TNKS: variants seen among roughly 807,000 people sequenced by gnomAD.
TNKS encodes the protein tankyrase, also known as poly [ADP-ribose] polymerase tankyrase-1.
Under a neutral mutation model 135.8 loss-of-function variants are expected in TNKS, and 72 were observed. The observed-to-expected ratio is 0.53, with a 90% CI of 0.44 to 0.64. TNKS has a LOEUF of 0.64. Among genes scored for constraint, TNKS ranks in the 30% least tolerant of loss-of-function variants. The probability of loss-of-function intolerance (pLI) is 0.00; values close to 1 mark genes in which losing one functional copy is unlikely to be tolerated. For synonymous variants in TNKS, 849 were observed against 649.3 expected (o/e 1.31, Z -4.68); for missense variants, 1,769 against 1,674.0 (o/e 1.06, Z -0.99).
intron 2 of TNKS, among the ~76,000 whole-genome samples, chr8:9,596,489 C>T (rs747146985): frequency 6.6e-6 from 1 of 152,130 alleles, no homozygotes; most frequent in Non-Finnish European, 1.5e-5. Context: ...TTATTTAAAT[C>T]TGCTAATTAT....
intron 3 of TNKS, among the ~76,000 whole-genome samples, chr8:9,634,890 C>G (rs960577787): frequency 2.0e-5 from 3 of 152,126 alleles, no homozygotes; most frequent in Admixed American, 6.5e-5. Context: ...AAGTAATGAA[C>G]TGCTCGGCCG....
chr8:9,658,649 T>G (rs930125729), intron 3 of TNKS, among the ~76,000 whole-genome samples: 4 of 152,280 alleles, frequency 2.6e-5, no homozygotes, highest in Admixed American at 1.3e-4. Context: ...TGTAAAGACC[T>G]TCAAGACTAG....
At chr8:9,720,636 T>C (rs35039536) in intron 12 of TNKS, 91 bp downstream of exon 12, 238,431 of 1,368,850 alleles carry the variant, frequency 0.17, 22,255 homozygotes, top group East Asian at 0.18. Context: ...TTACTTTGCC[T>C]GAAGTTTTTC....
intron 25 of TNKS, among the ~76,000 whole-genome samples, chr8:9,768,564 T>C (rs1451854000): frequency 2.0e-5 from 3 of 152,244 alleles, no homozygotes; most frequent in African/African-American, 7.2e-5. Context: ...GCCAGCTCTC[T>C]ACTTGCCCAT....
intron 5 of TNKS, among the ~76,000 whole-genome samples, chr8:9,683,306 C>G (rs1050377365): frequency 6.6e-6 from 1 of 152,014 alleles, no homozygotes; most frequent in Non-Finnish European, 1.5e-5. Context: ...TTACAAGTAT[C>G]TGTCCTAGTA....
intron 3 of TNKS, among the ~76,000 whole-genome samples, chr8:9,676,387 T>A (rs1007193658): frequency 2.6e-5 from 4 of 152,132 alleles, no homozygotes; most frequent in African/African-American, 9.7e-5. Flanking sequence ...TGCTATTCCA[T>A]CTCAACAAAA....
intron 20 of TNKS, among the ~76,000 whole-genome samples, chr8:9,760,483 A>T (rs1209928528): frequency 6.6e-6 from 1 of 152,242 alleles, no homozygotes; most frequent in Non-Finnish European, 1.5e-5. Flanking sequence ...GCAAGTTAAA[A>T]AGTGGAAAAA....
intron 12 of TNKS, among the ~76,000 whole-genome samples, chr8:9,721,170 A>G (rs1259215738): frequency 3.3e-5 from 5 of 151,474 alleles, no homozygotes; most frequent in Non-Finnish European, 5.9e-5. Flanking sequence ...AGCCCCAGCT[A>G]CTTGGGAGGC....
intron 20 of TNKS, among the ~76,000 whole-genome samples, chr8:9,755,458 A>G (rs533600444): frequency 2.0e-5 from 3 of 152,302 alleles, no homozygotes; most frequent in African/African-American, 4.8e-5. Flanking sequence ...AGGTGATACT[A>G]CCTTTCTTTG....
At chr8:9,771,856 G>GAGGA (rs1305416581) in intron 26 of TNKS, among the ~76,000 whole-genome samples, 1 of 88,498 alleles carries the variant, frequency 1.1e-5, no homozygotes, top group Non-Finnish European at 2.3e-5. Flanking sequence ...GGGAGGGAGA[G>GAGGA]AGAGCTAGAG....
At chr8:9,735,539 G>A (rs1805655522) in intron 17 of TNKS, 53 bp downstream of exon 17, 12 of 1,421,910 alleles carry the variant, frequency 8.4e-6, no homozygotes, top group Admixed American at 3.4e-5. Flanking sequence ...GGTGGCTCAC[G>A]CCTGTAATCC....
chr8:9,715,365 GGGC>G (rs1804553148), intron 11 of TNKS, among the ~76,000 whole-genome samples: 5 of 150,916 alleles, frequency 3.3e-5, no homozygotes, highest in African/African-American at 1.2e-4. Context: ...GCAGCAGGGG[GGGC>G]GGGTATGATC....
intron 1 of TNKS, among the ~76,000 whole-genome samples, chr8:9,577,091 C>G (rs1016178243): frequency 1.5e-4 from 22 of 151,340 alleles, no homozygotes; most frequent in African/African-American, 5.3e-4. Context: ...AATATCTGAA[C>G]TGAAAAATGT....
Position 9,670,818 on chromosome 8 carries a change from A to C in TNKS, c.995-9133A>C, listed in dbSNP as rs1226790917. ...AGACACTGATGGTAATAGTTTTTCC[A>C]GGGTTAGTTTTTAGTTTATGTGTTA... On this transcript the variant is annotated intron_variant, in intron 3 of 26. Coordinates refer to ENST00000310430, the MANE Select transcript of TNKS (RefSeq NM_003747.3). The C allele has an allele frequency of 2.0e-5, 3 of 152,336 alleles. No homozygotes were observed. In the East Asian group the frequency reaches 5.8e-4, roughly 29 times the overall value. 9.4% of individuals were successfully genotyped at this position (152,336 alleles called of 1,614,324 possible). A position where few individuals can be genotyped will look rare whatever the true frequency, so the allele number is the denominator to read the frequency against.
chr8:9,672,527 T>C (rs1802323508), intron 3 of TNKS, among the ~76,000 whole-genome samples: 1 of 151,974 alleles, frequency 6.6e-6, no homozygotes, highest in African/African-American at 2.4e-5. Flanking sequence ...TGTGAATTGA[T>C]GGCTGTAGAA....
At chr8:9,585,958 A>C (rs1798362713) in intron 2 of TNKS, among the ~76,000 whole-genome samples, 1 of 152,190 alleles carries the variant, frequency 6.6e-6, no homozygotes, top group Non-Finnish European at 1.5e-5. Flanking sequence ...TACTTCTTTC[A>C]GCATTAAAAT....
chr8:9,768,771 C>T (rs1807617684), intron 25 of TNKS, among the ~76,000 whole-genome samples: 1 of 152,190 alleles, frequency 6.6e-6, no homozygotes, highest in Non-Finnish European at 1.5e-5. Flanking sequence ...CAAAAAGCCT[C>T]CTTCTGATGG....
At chr8:9,635,246 C>A (rs1389269439) in intron 3 of TNKS, among the ~76,000 whole-genome samples, 1 of 151,956 alleles carries the variant, frequency 6.6e-6, no homozygotes. Context: ...TAGGAACCAT[C>A]CTGAAGGGGC....
Position 9,596,730 on chromosome 8 carries a change from A to G in TNKS, c.898+16347A>G, listed in dbSNP as rs73535846. On this transcript the variant is annotated intron_variant, in intron 2 of 26. Transcript: ENST00000310430. ...TTGTGTCAAGCCTGAAAATTTCTAA[A>G]TTTACTGTGGTACACATAATCATGG... 1.1e-3 allele frequency among the ~76,000 whole-genome samples: 172 copies of G among 152,332 alleles called. 1 individual carries two copies. Among genetic ancestry groups the G allele is most frequent in the African/African-American group, 3.9e-3 (163 of 41,572 alleles).
Sources: allele counts gnomAD v4.1 joint callset (sites outside exome capture counted in the v4.1 genomes callset), GRCh38; gene constraint gnomAD v4.1.1; transcripts MANE v1.5; gene names NCBI Gene and HGNC (gene_info 2026-07-23, HGNC 2026-07-21).